The following BTNL8 variants were observed in gnomAD, a reference collection of about 807,000 sequenced individuals.
BTNL8 encodes butyrophilin-like protein 8.
A neutral mutation model predicts 36.1 loss-of-function variants in BTNL8; 22 were observed. The ratio of observed to expected loss-of-function variants is 0.61; its 90% CI spans 0.44 to 0.87. The LOEUF (loss-of-function observed/expected upper bound fraction) is 0.87. Among genes scored for constraint, BTNL8 ranks in the 40% least tolerant of loss-of-function variants. BTNL8 has a pLI of 0.00. For synonymous variants in BTNL8, 203 were observed against 235.6 expected (o/e 0.86, Z 1.27); for missense variants, 526 against 616.9 (o/e 0.85, Z 1.56).
chr5:180,911,436 G>C lies in BTNL8; in HGVS notation c.495G>C (p.Ala165=), dbSNP rs754388874. ...QSSGWFPRPT[A]KWKGPQGQDL... ...CGGGCTGGTTCCCCCGGCCCACAGC[G>C]AAGTGGAAAGGTCCACAAGGACAGG... The change falls in exon 3 of 8, where the codon GCG becomes GCC. Residue 165 remains alanine, a synonymous_variant. Coordinates refer to ENST00000340184, the MANE Select transcript of BTNL8 (RefSeq NM_001040462.3). 1.2e-6 allele frequency: 2 copies of C among 1,614,202 alleles called. No homozygotes were observed. The highest frequency in any genetic ancestry group is 1.3e-5 in the African/African-American group (1 of 75,058).
In BTNL8 at chr5:180,948,341, T is replaced by C. The variant is rs141093578; in HGVS notation, c.788-14T>C. ...CTCCTGTGTCCACCACTGAATATAC[T>C]GTTTCTGTTTCAGGGAAAATCCAGG... On this transcript the variant is annotated splice_polypyrimidine_tract_variant and intron_variant, in intron 4 of 7. Transcript: ENST00000340184. The C allele has an allele frequency of 1.9e-3, 2,764 of 1,465,944 alleles. 320 individuals are homozygous for C. The African/African-American group carries it at 0.029, about 15-fold the overall frequency. 90.8% of individuals were successfully genotyped at this position (1,465,944 alleles called of 1,614,324 possible). A position where few individuals can be genotyped will look rare whatever the true frequency, so the allele number is the denominator to read the frequency against.
Position 180,902,917 on chromosome 5 carries a change from T to C in BTNL8, c.49+3558T>C, listed in dbSNP as rs1248359357. Among the ~76,000 whole-genome samples the C allele has an allele frequency of 5.4e-4, 66 of 123,046 alleles. 5 individuals are homozygous for C. The highest frequency in any genetic ancestry group is 7.0e-4 in the Non-Finnish European group (43 of 61,022). 80.7% of individuals were successfully genotyped at this position (123,046 alleles called of 152,430 possible). On this transcript the variant is annotated intron_variant, in intron 1 of 7. Transcript: ENST00000340184. ...TATGTGTCACATTTTCTTAATCTAG[T>C]CTATCATTGTTGGACATTTGGGTTG...
At position 180,950,857 on chromosome 5, in the gene BTNL8, A is replaced by C; in HGVS notation, c.*313A>C. 1 of 360,280 alleles carries C rather than the reference A, an allele frequency of 2.8e-6. No individual in the cohort carries two copies. 22.3% of individuals were successfully genotyped at this position (360,280 alleles called of 1,614,324 possible). Reference sequence around the variant, plus strand: ...TGTGAATAATGCTTAGATCTTATTGATGACAGAGTGTATCCTAATGGTTTG... The same window carrying C: ...TGTGAATAATGCTTAGATCTTATTGCTGACAGAGTGTATCCTAATGGTTTG... On this transcript the variant is annotated 3_prime_UTR_variant, in exon 8 of 8. Coordinates refer to ENST00000340184, the MANE Select transcript of BTNL8 (RefSeq NM_001040462.3).
At position 180,911,518 on chromosome 5, in the gene BTNL8, A is replaced by C. The variant is rs1238085864; in HGVS notation, c.577A>C (p.Ile193Leu). ...CATGCATGGCCTGTTTGATGTGGAG[A>C]TCTCTCTGACCGTCCAAGAGAACGC... ...RDMHGLFDVE[I>L]SLTVQENAGS... Residue 193 changes from isoleucine (I) to leucine (L), a missense_variant, in exon 3 of 8, where the codon ATC (isoleucine) becomes CTC (leucine). Physicochemically the swap from Ile to Leu is conservative, Grantham distance 5. This residue lies in a region of BTNL8 where 350 missense variants were observed against 324.6 expected (regional missense o/e 1.08). Coordinates refer to ENST00000340184, the MANE Select transcript of BTNL8 (RefSeq NM_001040462.3). The C allele has an allele frequency of 2.5e-6, 4 of 1,613,994 alleles. No homozygotes were observed. Among genetic ancestry groups the C allele is most frequent in the Admixed American group, 3.3e-5 (2 of 59,994 alleles).
chr5:180,918,506 C>T (rs1757741450), intron 3 of BTNL8, among the ~76,000 whole-genome samples: 1 of 152,104 alleles, frequency 6.6e-6, no homozygotes, highest in Non-Finnish European at 1.5e-5. Flanking sequence ...AAAGAATGTA[C>T]CTCAACATAA....
chr5:180,922,778 C>T lies in BTNL8; in HGVS notation c.673+11164C>T, dbSNP rs138692142. Among the ~76,000 whole-genome samples, 1,138 of 151,674 alleles carry T rather than the reference C, an allele frequency of 7.5e-3. 13 individuals are homozygous for T. The highest frequency in any genetic ancestry group is 0.012 in the Admixed American group (185 of 15,228). On this transcript the variant is annotated intron_variant, in intron 3 of 7. Transcript: ENST00000340184. ...TTCTGCCTCAATAATCTATCTAATA[C>T]AGTCAGTGGGGTGTTGAAGTCTCCC...
intron 3 of BTNL8, among the ~76,000 whole-genome samples, chr5:180,920,868 A>C (rs1757833646): frequency 6.6e-6 from 1 of 152,080 alleles, no homozygotes; most frequent in African/African-American, 2.4e-5. Context: ...CCATCAGGGA[A>C]ATTCAATCAA....
At chr5:180,937,072 C>T (rs6601155) in intron 3 of BTNL8, among the ~76,000 whole-genome samples, 68,262 of 151,966 alleles carry the variant, frequency 0.45, 16,437 homozygotes, top group African/African-American at 0.63. Context: ...CACGCAGCCC[C>T]CCAGGAGTCT....
chr5:180,929,091 G>T (rs1409659246), intron 3 of BTNL8, among the ~76,000 whole-genome samples: 1 of 152,104 alleles, frequency 6.6e-6, no homozygotes, highest in Non-Finnish European at 1.5e-5. Flanking sequence ...AAATGCAAAA[G>T]AATGTAAATC....
intron 1 of BTNL8, chr5:180,902,329 A>G: frequency 6.5e-7 from 1 of 1,545,574 alleles, no homozygotes; most frequent in Non-Finnish European, 8.8e-7. Context: ...AAACATTAAT[A>G]ATACACATTT....
At chr5:180,938,080 C>T (rs1355769909) in intron 3 of BTNL8, among the ~76,000 whole-genome samples, 1 of 151,856 alleles carries the variant, frequency 6.6e-6, no homozygotes, top group Non-Finnish European at 1.5e-5. Flanking sequence ...AAATTTGATT[C>T]CTTTCAAATT....
At chr5:180,907,429 T>G (rs1299710685) in intron 1 of BTNL8, among the ~76,000 whole-genome samples, 14 of 141,772 alleles carry the variant, frequency 9.9e-5, no homozygotes, top group Non-Finnish European at 1.8e-4. Context: ...TTCTTCTAAT[T>G]TTTTTTCAAA....
At chr5:180,932,600 C>T (rs1014171476) in intron 3 of BTNL8, among the ~76,000 whole-genome samples, 6 of 152,120 alleles carry the variant, frequency 3.9e-5, no homozygotes, top group African/African-American at 1.2e-4. Flanking sequence ...CCGCCCGCCT[C>T]GGCCTCCCAA....
chr5:180,943,814 T>A (rs1284961786), intron 3 of BTNL8, among the ~76,000 whole-genome samples: 1 of 152,208 alleles, frequency 6.6e-6, no homozygotes, highest in Non-Finnish European at 1.5e-5. Flanking sequence ...CTATTCACAA[T>A]AGCTAAGATA....
intron 1 of BTNL8, chr5:180,902,441 T>C (rs1349748855): frequency 1.3e-6 from 2 of 1,529,998 alleles, no homozygotes; most frequent in African/African-American, 1.4e-5. Flanking sequence ...AGAAATAGGA[T>C]TGTGATGAAT....
rs1019208820 is a variant in BTNL8 at position 180,929,118 on chromosome 5, C to T, written c.673+17504C>T. Reference sequence around the variant, plus strand: ...ATGTAAATCATAACAAACAGCCTCTCGGACCACAGTGCAATCAAATTAGAA... The same window carrying T: ...ATGTAAATCATAACAAACAGCCTCTTGGACCACAGTGCAATCAAATTAGAA... On this transcript the variant is annotated intron_variant, in intron 3 of 7. Coordinates refer to ENST00000340184, the MANE Select transcript of BTNL8 (RefSeq NM_001040462.3). Among the ~76,000 whole-genome samples the T allele has an allele frequency of 1.2e-4, 18 of 152,184 alleles. 1 individual carries two copies. Among genetic ancestry groups the T allele is most frequent in the African/African-American group, 3.6e-4 (15 of 41,442 alleles).
At chr5:180,911,313 T>C in intron 2 of BTNL8, 26 bp from the exon 3 acceptor site, 1 of 1,610,760 alleles carries the variant, frequency 6.2e-7, no homozygotes, top group Non-Finnish European at 8.5e-7. Flanking sequence ...ATCTTTGCTT[T>C]CAACCGTTCC....
At chr5:180,914,661 T>C (rs1757544308) in intron 3 of BTNL8, among the ~76,000 whole-genome samples, 1 of 152,202 alleles carries the variant, frequency 6.6e-6, no homozygotes, top group Non-Finnish European at 1.5e-5. Context: ...ATACAAACTA[T>C]CACACAACTA....
At position 180,949,933 on chromosome 5, in the gene BTNL8, C is replaced by T. The variant is rs1759467215; in HGVS notation, c.892C>T (p.His298Tyr). The T allele has an allele frequency of 2.1e-6, 3 of 1,459,790 alleles. 1 individual carries two copies. The African/African-American group carries it at 4.2e-5, about 20-fold the overall frequency. The allele number at this position is 1,459,790 out of a possible 1,614,324, so 90.4% of individuals were successfully genotyped here. Residue 298 changes from histidine (H) to tyrosine (Y), a missense_variant, in exon 8 of 8, where the codon CAC becomes TAC. Around this residue, in one of 2 missense-constraint regions of BTNL8, gnomAD observed 176 missense variants for 292.3 expected, o/e 0.60. Coordinates refer to ENST00000340184, the MANE Select transcript of BTNL8 (RefSeq NM_001040462.3). Reference sequence around the variant, plus strand: ...GGTGACTCTGGATCCAGAGACGGCTCACCCGAAGCTCTGCGTTTCTGATCT... The same window carrying T: ...GGTGACTCTGGATCCAGAGACGGCTTACCCGAAGCTCTGCGTTTCTGATCT... ...VEVTLDPETA[H>Y]PKLCVSDLKT... is the part of the protein sequence containing the mutation.
Sources: allele counts gnomAD v4.1 joint callset (sites outside exome capture counted in the v4.1 genomes callset), GRCh38; gene constraint gnomAD v4.1.1; regional missense constraint gnomAD v4.1.1; transcripts MANE v1.5; gene names NCBI Gene and HGNC (gene_info 2026-07-23, HGNC 2026-07-21).